SCAF8: variants seen among roughly 807,000 people sequenced by gnomAD.
The protein encoded by SCAF8 is SR-related and CTD-associated factor 8.
Under a neutral mutation model 140.5 loss-of-function variants are expected in SCAF8, and 23 were observed. That is an observed-to-expected ratio of 0.16 (90% CI 0.12 to 0.23). The LOEUF (loss-of-function observed/expected upper bound fraction) is 0.23, where lower values mean the gene tolerates loss of function less well. Among genes scored for constraint, SCAF8 ranks in the 10% least tolerant of loss-of-function variants. The pLI is 1.00. For synonymous variants in SCAF8, 575 were observed against 528.9 expected, an observed-to-expected ratio of 1.09 and a Z score of -1.20; for missense variants, 1,397 against 1,555.7, an observed-to-expected ratio of 0.90 and a Z score of 1.72.
At chr6:154,825,658 A>AAC in intron 17 of SCAF8, among the ~76,000 whole-genome samples, 1 of 149,308 alleles carries the variant, frequency 6.7e-6, no homozygotes, top group Non-Finnish European at 1.5e-5. Flanking sequence ...CTTGTCTCAA[A>AAC]AAAAAAAAAA....
intron 11 of SCAF8, among the ~76,000 whole-genome samples, 183 bp downstream of exon 11, chr6:154,808,981 A>G (rs989891474): frequency 6.6e-6 from 1 of 152,164 alleles, no homozygotes; most frequent in African/African-American, 2.4e-5. Flanking sequence ...ATCTGTGGCT[A>G]TTTATTTCAG....
At chr6:154,792,771 A>C in intron 4 of SCAF8, 52 bp from the exon 5 acceptor site, 1 of 1,333,218 alleles carries the variant, frequency 7.5e-7, no homozygotes, top group Non-Finnish European at 1.0e-6. Flanking sequence ...AAATGACTGT[A>C]CTAAGGTTTT....
intron 15 of SCAF8, 73 bp from the exon 16 acceptor site, chr6:154,822,203 A>C: frequency 6.8e-7 from 1 of 1,480,250 alleles, no homozygotes; most frequent in Non-Finnish European, 9.2e-7. Context: ...TAGATGTGAA[A>C]TAAATGAATA....
intron 8 of SCAF8, among the ~76,000 whole-genome samples, chr6:154,804,152 G>T (rs1206413939): frequency 6.6e-6 from 1 of 152,104 alleles, no homozygotes; most frequent in Non-Finnish European, 1.5e-5. Context: ...GGACTAGTAG[G>T]GGGAAGATGT....
At chr6:154,740,550 T>C (rs900193706) in intron 1 of SCAF8, among the ~76,000 whole-genome samples, 4 of 152,166 alleles carry the variant, frequency 2.6e-5, no homozygotes, top group African/African-American at 9.7e-5. Flanking sequence ...TTGTTTCATG[T>C]CCTTGGTTCA....
At chr6:154,789,218 C>G (rs1777340980) in intron 4 of SCAF8, among the ~76,000 whole-genome samples, 1 of 151,986 alleles carries the variant, frequency 6.6e-6, no homozygotes, top group South Asian at 2.1e-4. Context: ...AAGTGATTCT[C>G]CTGCCTCAGC....
chr6:154,779,199 A>C (rs1363778014), intron 3 of SCAF8, among the ~76,000 whole-genome samples: 4 of 151,760 alleles, frequency 2.6e-5, no homozygotes, highest in African/African-American at 9.7e-5. Context: ...CGCCCAGCTA[A>C]TTTTTTTGTA....
At chr6:154,827,142 C>T (rs760661659) in intron 17 of SCAF8, 30 bp from the exon 18 acceptor site, 5 of 1,566,960 alleles carry the variant, frequency 3.2e-6, no homozygotes, top group Non-Finnish European at 4.3e-6. Context: ...TTTTCTTGTG[C>T]TATTTTTTGG....
intron 1 of SCAF8, among the ~76,000 whole-genome samples, chr6:154,757,068 T>A (rs1177513518): frequency 6.6e-6 from 1 of 151,860 alleles, no homozygotes; most frequent in East Asian, 1.9e-4. Flanking sequence ...CTCTGTTGCC[T>A]AGGCTGGAGT....
chr6:154,832,128 A>G lies in SCAF8; in HGVS notation c.2549A>G (p.Asn850Ser). Residue 850 changes from asparagine to serine, a missense_variant, in exon 20 of 20, where the codon AAT becomes AGT. By Grantham distance (46) the Asn-to-Ser change is conservative. Transcript: ENST00000367178. ...IIAAQPPNIL[N>S]NSGILGIQPP... ...GCAGCCCAACCACCAAATATTCTAAATAACTCTGGAATATTGGGAATACAG... is the reference window on the plus strand; with the variant it reads ...GCAGCCCAACCACCAAATATTCTAAGTAACTCTGGAATATTGGGAATACAG... 1 of 1,614,078 alleles carries G rather than the reference A, an allele frequency of 6.2e-7. No individual in the cohort carries two copies. Among genetic ancestry groups the G allele is most frequent in the Non-Finnish European group, 8.5e-7 (1 of 1,179,996 alleles).
intron 14 of SCAF8, 65 bp downstream of exon 14, chr6:154,818,657 G>C: frequency 1.4e-6 from 1 of 718,372 alleles, no homozygotes; most frequent in South Asian, 2.0e-5. Flanking sequence ...TTATGTTAAA[G>C]TCTGAGTTTT....
intron 1 of SCAF8, among the ~76,000 whole-genome samples, chr6:154,769,062 C>CAAA (rs56383173): frequency 1.0e-5 from 1 of 96,786 alleles, no homozygotes. Context: ...GACACTGTCT[C>CAAA]AAAAAAAAAA....
intron 16 of SCAF8, among the ~76,000 whole-genome samples, chr6:154,824,015 T>G (rs991737723): frequency 2.6e-5 from 4 of 152,170 alleles, no homozygotes; most frequent in African/African-American, 9.7e-5. Context: ...GAATGTAAGA[T>G]CAAATTCATA....
chr6:154,815,188 T>G (rs1315830364), intron 12 of SCAF8, among the ~76,000 whole-genome samples: 1 of 152,064 alleles, frequency 6.6e-6, no homozygotes, highest in East Asian at 1.9e-4. Flanking sequence ...TCCTAGCTAC[T>G]CGGGAGACTG....
chr6:154,820,348 G>A lies in SCAF8; in HGVS notation c.1792+15G>A. ...TGTAAATACTGGTAAGAATTCTAAG[G>A]TCTTTTTATTGTTAAAAAAAAGTAT... On this transcript the variant is annotated intron_variant, in intron 15 of 19. Coordinates refer to ENST00000367178, the MANE Select transcript of SCAF8 (RefSeq NM_014892.5). The A allele has an allele frequency of 6.3e-7, 1 of 1,590,614 alleles. No homozygotes were observed. The highest frequency in any genetic ancestry group is 8.5e-7 in the Non-Finnish European group (1 of 1,171,362).
intron 1 of SCAF8, among the ~76,000 whole-genome samples, chr6:154,742,621 C>T (rs1185458187): frequency 2.0e-5 from 3 of 151,990 alleles, no homozygotes; most frequent in Non-Finnish European, 4.4e-5. Context: ...TTTGTTTTGT[C>T]TTTCTAATTT....
chr6:154,770,711 C>A (rs546776279), intron 1 of SCAF8, among the ~76,000 whole-genome samples: 1 of 152,220 alleles, frequency 6.6e-6, no homozygotes, highest in South Asian at 2.1e-4. Context: ...GATTCATTTC[C>A]ATTTGGGCAG....
At chr6:154,796,346 A>G (rs1307309881) in intron 6 of SCAF8, among the ~76,000 whole-genome samples, 2 of 97,952 alleles carry the variant, frequency 2.0e-5, no homozygotes, top group African/African-American at 4.8e-5. Context: ...TCAGCATTGC[A>G]ATCCTGTTCT....
intron 9 of SCAF8, among the ~76,000 whole-genome samples, chr6:154,807,718 C>T (rs1351552813): frequency 6.6e-6 from 1 of 152,194 alleles, no homozygotes; most frequent in Non-Finnish European, 1.5e-5. Flanking sequence ...TGCCAATTAT[C>T]AGTGAAAATC....
Sources: gnomAD v4.1 joint callset for allele counts (sites outside exome capture counted in the v4.1 genomes callset) on GRCh38, gnomAD v4.1.1 for gene constraint, MANE v1.5 for transcripts, NCBI Gene and HGNC (gene_info 2026-07-23, HGNC 2026-07-21) for gene names.